The following SLC5A6 variants were observed in gnomAD, a reference collection of about 807,000 sequenced individuals.
SLC5A6 encodes the protein solute carrier family 5 member 6.
A neutral mutation model predicts 67.9 loss-of-function variants in SLC5A6; 31 were observed. The observed-to-expected ratio is 0.46, with a 90% CI of 0.34 to 0.62. The LOEUF (loss-of-function observed/expected upper bound fraction) is 0.62. Ranked by LOEUF, SLC5A6 falls within the 20% of genes least tolerant of loss-of-function variation. The probability of loss-of-function intolerance (pLI) is 0.01; values close to 1 mark genes in which losing one functional copy is unlikely to be tolerated. For synonymous variants in SLC5A6, 343 were observed against 331.0 expected (o/e 1.04, Z -0.39); for missense variants, 673 against 812.8 (o/e 0.83, Z 2.09).
chr2:27,207,159 G>T lies in SLC5A6; in HGVS notation c.393+99C>A. On this transcript the variant is annotated intron_variant, in intron 3 of 16. Coordinates refer to ENST00000310574, the MANE Select transcript of SLC5A6 (RefSeq NM_021095.4). The surrounding 1 kb of genome is among the most constrained non-coding windows in gnomAD (Gnocchi z 5.5). The stretch of plus-strand genomic sequence containing the variant: ...ATGAGTTTTCTGTCCCTCTCATTAG[G>T]TGGAGGAGGTCTAGGGTCCCAGGTC... 2 of 1,281,544 alleles carry T rather than the reference G, an allele frequency of 1.6e-6. No homozygotes were observed. Among genetic ancestry groups the T allele is most frequent in the South Asian group, 1.3e-5 (1 of 74,078 alleles). 79.4% of individuals were successfully genotyped at this position (1,281,544 alleles called of 1,614,324 possible). A position where few individuals can be genotyped will look rare whatever the true frequency, so the allele number is the denominator to read the frequency against.
At position 27,199,819 on chromosome 2, in the gene SLC5A6, G is replaced by C. The variant is rs1486689410; in HGVS notation, c.*617C>G. On this transcript the variant is annotated 3_prime_UTR_variant, in exon 17 of 17. Coordinates refer to ENST00000310574, the MANE Select transcript of SLC5A6 (RefSeq NM_021095.4). ...CAGAGGTGGAGGATGGAGACAGTGA[G>C]GTGGAAAACGTGCTTGCTCTACACA... The C allele has an allele frequency of 6.6e-6, 1 of 152,602 alleles. No individual in the cohort carries two copies. Among genetic ancestry groups the C allele is most frequent in the African/African-American group, 2.4e-5 (1 of 41,342 alleles). The allele number at this position is 152,602 out of a possible 1,614,324, so 9.5% of individuals were successfully genotyped here.
chr2:27,203,393 G>GGA (rs1558505890), intron 10 of SLC5A6, 48 bp from the exon 11 acceptor site: 3 of 1,521,956 alleles, frequency 2.0e-6, no homozygotes, highest in Non-Finnish European at 2.7e-6. Context: ...AAAATTGTCA[G>GGA]CTCTATGGGA....
chr2:27,208,761 A>G (rs775026143), intron 2 of SLC5A6: 90 of 152,770 alleles, frequency 5.9e-4, no homozygotes, highest in Non-Finnish European at 1.0e-3. Flanking sequence ...CAGGGAACCA[A>G]TGGCTGTGTT....
intron 9 of SLC5A6, 90 bp downstream of exon 9, chr2:27,204,371 A>G (rs1001603838): frequency 1.4e-6 from 2 of 1,420,006 alleles, no homozygotes; most frequent in Non-Finnish European, 1.9e-6. Context: ...CCAGGGTGGG[A>G]GTCCTTTCTG....
rs745871515 is a variant in SLC5A6, at chr2:27,200,504, T to C, written c.1840A>G (p.Met614Val). The change falls in exon 17 of 17, where the codon ATG becomes GTG. Residue 614 changes from methionine (M) to valine (V), a missense_variant. Physicochemically the swap from Met to Val is conservative, Grantham distance 21. Coordinates refer to ENST00000310574, the MANE Select transcript of SLC5A6 (RefSeq NM_021095.4). The stretch of plus-strand genomic sequence containing the variant: ...TGATAGGCTGTGCCATCCAGGGCCA[T>C]GGCCTCCTTGTCTCTGCTGTCCCCC... Reference protein sequence around the residue: ...VLGDSRDKEAMALDGTAYQGS... With the variant: ...VLGDSRDKEAVALDGTAYQGS... 5.6e-6 allele frequency: 9 copies of C among 1,614,002 alleles called. No homozygotes were observed. Among genetic ancestry groups the C allele is most frequent in the Non-Finnish European group, 7.6e-6 (9 of 1,179,956 alleles).
intron 11 of SLC5A6, 110 bp from the exon 12 acceptor site, chr2:27,202,990 CA>C (rs1673768156): frequency 6.4e-7 from 1 of 1,555,242 alleles, no homozygotes; most frequent in Admixed American, 2.1e-5. Context: ...TCTCTGGAAA[CA>C]AAAGGCATAT....
chr2:27,209,736 G>A lies in SLC5A6; in HGVS notation c.-141+1731C>T, dbSNP rs1276087722. 2.0e-5 allele frequency among the ~76,000 whole-genome samples: 3 copies of A among 152,154 alleles called. 1 individual carries two copies. The highest frequency in any genetic ancestry group is 4.4e-5 in the Non-Finnish European group (3 of 68,024). On this transcript the variant is annotated intron_variant, in intron 2 of 16. Transcript: ENST00000310574. ...AGGAGAAAGATTAGGCTGCCTTTCC[G>A]CTCTCCCACAGTGTGTTCTTGGGCA...
intron 2 of SLC5A6, chr2:27,208,627 C>G (rs1275188715): frequency 6.5e-6 from 1 of 152,850 alleles, no homozygotes; most frequent in Admixed American, 6.5e-5. Flanking sequence ...GAGAAGCAAT[C>G]CCTGTTCTGA....
Position 27,206,039 on chromosome 2 carries a change from A to G in SLC5A6, c.566T>C (p.Val189Ala), listed in dbSNP as rs767156886. The G allele has an allele frequency of 6.2e-7, 1 of 1,613,874 alleles. No homozygotes were observed. The highest frequency in any genetic ancestry group is 1.1e-5 in the South Asian group (1 of 91,078). ...SVLALGIVCT[V>A]YTALGGLKAV... ...TACTGCACTTACCAGAGCTGTATAG[A>G]CGGTACAGACAATGCCCAGGGCCAG... is the stretch of plus-strand genomic sequence containing the variant. The change falls in exon 6 of 17, where the codon GTC becomes GCC. Residue 189 changes from valine (V) to alanine (A), a missense_variant. Transcript: ENST00000310574.
At chr2:27,212,432 G>T (rs745813413), upstream of SLC5A6, 2 of 1,559,070 alleles carry the variant, frequency 1.3e-6, no homozygotes, top group Admixed American at 1.9e-5. Flanking sequence ...CCTGCTCCTC[G>T]CTCTGGGCGT....
intron 2 of SLC5A6, among the ~76,000 whole-genome samples, chr2:27,210,897 G>C (rs1198474693): frequency 6.6e-6 from 1 of 152,084 alleles, no homozygotes; most frequent in Non-Finnish European, 1.5e-5. Context: ...GGTGGCAGGC[G>C]CCTGTAGTCC....
chr2:27,212,263 T>G lies in SLC5A6; in HGVS notation c.-451A>C. On this transcript the variant is annotated 5_prime_UTR_variant, in exon 1 of 17. Coordinates refer to ENST00000310574, the MANE Select transcript of SLC5A6 (RefSeq NM_021095.4). ...AGCCCCCAAGCAGCCCCAGGGCGAC[T>G]GGACCGGGCCGCTTAGGCCACGCCC... 5.8e-6 allele frequency: 9 copies of G among 1,557,922 alleles called. No homozygotes were observed. The highest frequency in any genetic ancestry group is 6.9e-6 in the Non-Finnish European group (8 of 1,151,348).
At chr2:27,206,852 C>T (rs1280065143) in intron 4 of SLC5A6, 25 bp downstream of exon 4, 2 of 1,584,436 alleles carry the variant, frequency 1.3e-6, no homozygotes, top group Non-Finnish European at 8.7e-7. Flanking sequence ...GCCCTAGGCT[C>T]GGTTTCTATC....
In SLC5A6 at chr2:27,200,200, G is replaced by C. The variant is rs189176336; in HGVS notation, c.*236C>G. ...TTTCTGGCATGATCCTGCTCCCTAC[G>C]AGCCTGATCCTTTAAAAAACAGATT... On this transcript the variant is annotated 3_prime_UTR_variant, in exon 17 of 17. Transcript: ENST00000310574. The C allele has an allele frequency of 2.7e-5, 12 of 440,088 alleles. No homozygotes were observed. The highest frequency in any genetic ancestry group is 4.8e-5 in the Non-Finnish European group (12 of 248,384). The allele number at this position is 440,088 out of a possible 1,614,324, so 27.3% of individuals were successfully genotyped here. A position where few individuals can be genotyped will look rare whatever the true frequency, so the allele number is the denominator to read the frequency against.
rs796463488 is a variant in SLC5A6 at position 27,200,290 on chromosome 2, A to G, written c.*146T>C. ...TGTGACAGCTTCTCCTGCAGGCAAG[A>G]ACCTCTCAGAACAAGGTCCTTTGGT... On this transcript the variant is annotated 3_prime_UTR_variant, in exon 17 of 17. Coordinates refer to ENST00000310574, the MANE Select transcript of SLC5A6 (RefSeq NM_021095.4). 1.5e-5 allele frequency: 10 copies of G among 685,368 alleles called. No individual in the cohort carries two copies. In the East Asian group the frequency reaches 2.4e-4, roughly 17 times the overall value. The allele number at this position is 685,368 out of a possible 1,614,324, so 42.5% of individuals were successfully genotyped here.
intron 7 of SLC5A6, 135 bp from the exon 8 acceptor site, chr2:27,205,066 G>C: frequency 9.6e-7 from 1 of 1,046,840 alleles, no homozygotes; most frequent in African/African-American, 1.6e-5. Flanking sequence ...AAAGCAAGAA[G>C]CTGGGTGCAC....
intron 14 of SLC5A6, 81 bp downstream of exon 14, chr2:27,201,585 G>GC (rs1480183527): frequency 6.9e-7 from 1 of 1,450,654 alleles, no homozygotes; most frequent in Admixed American, 1.8e-5. Flanking sequence ...GCCTCTGGTG[G>GC]CCCATCCCTT....
chr2:27,203,381 G>A lies in SLC5A6; in HGVS notation c.1095-36C>T, dbSNP rs991283402. The A allele has an allele frequency of 7.5e-6, 12 of 1,596,222 alleles. No individual in the cohort carries two copies. The Middle Eastern group carries it at 5.0e-4, about 66-fold the overall frequency. ...GGAAGAGGATGAGGAGTTGAGCGAG[G>A]CAAAATTGTCAGCTCTATGGGACTC... On this transcript the variant is annotated intron_variant, in intron 10 of 16. Coordinates refer to ENST00000310574, the MANE Select transcript of SLC5A6 (RefSeq NM_021095.4).
Position 27,201,683 on chromosome 2 carries a change from G to A in SLC5A6, c.1527C>T (p.Pro509=). 1 of 1,614,002 alleles carries A rather than the reference G, an allele frequency of 6.2e-7. No homozygotes were observed. Among genetic ancestry groups the A allele is most frequent in the Non-Finnish European group, 8.5e-7 (1 of 1,179,882 alleles). ...TGCCTTACTTGGAGAAGGTAGTCAA[G>A]GGCATCAGTGTGGTCACAGTGGCAA... ...LTVATVTTLM[P]LTTFSKPTGL... The change falls in exon 14 of 17, where the codon CCC becomes CCT. Residue 509 remains proline, a synonymous_variant. Coordinates refer to ENST00000310574, the MANE Select transcript of SLC5A6 (RefSeq NM_021095.4).
Sources: gnomAD v4.1 joint callset for allele counts (sites outside exome capture counted in the v4.1 genomes callset) on GRCh38, gnomAD v4.1.1 for gene constraint, Gnocchi (gnomAD v3.1) non-coding constraint, MANE v1.5 for transcripts, NCBI Gene and HGNC (gene_info 2026-07-23, HGNC 2026-07-21) for gene names.